The following EYS variants were observed in gnomAD, a reference collection of about 807,000 sequenced individuals.
The protein encoded by EYS is EGF-like photoreceptor maintenance factor.
Under a neutral mutation model 282.1 loss-of-function variants are expected in EYS, and 250 were observed. The ratio of observed to expected loss-of-function variants is 0.89; its 90% CI spans 0.80 to 0.98. The LOEUF (loss-of-function observed/expected upper bound fraction) is 0.98. Among genes scored for constraint, EYS ranks in the 50% least tolerant of loss-of-function variants. EYS has a pLI of 0.00. For missense variants in EYS, 4,016 were observed against 3,709.0 expected (o/e 1.08, Z -2.15); for synonymous variants, 1,355 against 1,282.9 (o/e 1.06, Z -1.20).
intron 33 of EYS, among the ~76,000 whole-genome samples, chr6:64,023,102 A>G (rs1443392690): frequency 6.6e-6 from 1 of 152,250 alleles, no homozygotes; most frequent in Non-Finnish European, 1.5e-5. Flanking sequence ...AAGTGGAATC[A>G]TATAATACTT....
At chr6:64,014,613 ACTCTCT>A in intron 33 of EYS, among the ~76,000 whole-genome samples, 1 of 152,198 alleles carries the variant, frequency 6.6e-6, no homozygotes, top group Admixed American at 6.5e-5. Context: ...TTTCTGAAGC[ACTCTCT>A]GAGCCAAAGT....
chr6:64,924,528 G>GT (rs1252648254), intron 15 of EYS, among the ~76,000 whole-genome samples: 3 of 152,106 alleles, frequency 2.0e-5, no homozygotes, highest in Non-Finnish European at 2.9e-5. Context: ...CAGAAAAAGG[G>GT]TTTTTTCTTT....
At chr6:64,720,107 G>A (rs891936138) in intron 22 of EYS, among the ~76,000 whole-genome samples, 2 of 152,122 alleles carry the variant, frequency 1.3e-5, no homozygotes, top group Admixed American at 1.3e-4. Flanking sequence ...GTATCAGAGG[G>A]CATAGGGCTA....
intron 12 of EYS, among the ~76,000 whole-genome samples, chr6:65,192,421 T>C (rs955950501): frequency 1.3e-5 from 2 of 151,438 alleles, no homozygotes; most frequent in African/African-American, 4.8e-5. Context: ...TCAAGAAAAA[T>C]TGTAACTTCA....
chr6:63,761,376 C>A (rs1769637521), intron 41 of EYS, among the ~76,000 whole-genome samples: 1 of 151,994 alleles, frequency 6.6e-6, no homozygotes. Context: ...CATAATCACA[C>A]TCTTAAGACA....
chr6:64,151,363 A>ATATATATATTTATATATATAT (rs1491135650), intron 31 of EYS, among the ~76,000 whole-genome samples: 2 of 62,852 alleles, frequency 3.2e-5, no homozygotes, highest in African/African-American at 1.4e-4. Context: ...ATATATATAT[A>ATATATATATTTATATATATAT]ATTTTTTTTT....
At chr6:64,650,720 G>A (rs1768526614) in intron 22 of EYS, among the ~76,000 whole-genome samples, 1 of 151,890 alleles carries the variant, frequency 6.6e-6, no homozygotes, top group East Asian at 1.9e-4. Flanking sequence ...AAAATTTTAA[G>A]AAATATGTAA....
chr6:65,411,508 G>T (rs1006537167), intron 5 of EYS, among the ~76,000 whole-genome samples: 5 of 151,812 alleles, frequency 3.3e-5, no homozygotes, highest in African/African-American at 7.3e-5. Context: ...ATAATATTTG[G>T]GTATAGTTCT....
chr6:65,653,180 A>G (rs1430735921), intron 1 of EYS, among the ~76,000 whole-genome samples: 2 of 151,886 alleles, frequency 1.3e-5, no homozygotes, highest in Non-Finnish European at 2.9e-5. Flanking sequence ...CTTAATTTTT[A>G]TCTGTGCCTA....
intron 15 of EYS, among the ~76,000 whole-genome samples, chr6:64,933,555 CACTGTGGAAG>C (rs1385637666): frequency 6.6e-6 from 1 of 151,608 alleles, no homozygotes; most frequent in Non-Finnish European, 1.5e-5. Flanking sequence ...TTAGTTGCAC[CACTGTGGAAG>C]ACAGTGTGGC....
At chr6:65,280,316 T>C (rs1768181292) in intron 12 of EYS, among the ~76,000 whole-genome samples, 1 of 152,150 alleles carries the variant, frequency 6.6e-6, no homozygotes, top group Non-Finnish European at 1.5e-5. Context: ...CTGAGTGTTC[T>C]CACTAGGAAA....
At chr6:65,639,540 T>C (rs1385726788) in intron 2 of EYS, among the ~76,000 whole-genome samples, 2 of 152,056 alleles carry the variant, frequency 1.3e-5, no homozygotes, top group Admixed American at 6.5e-5. Context: ...ACCCATAGAA[T>C]TGTGACTACA....
chr6:65,072,599 T>G (rs1241900789), intron 12 of EYS, among the ~76,000 whole-genome samples: 1 of 151,796 alleles, frequency 6.6e-6, no homozygotes, highest in African/African-American at 2.4e-5. Context: ...CAAAGTGAGA[T>G]CCAATCTGCA....
intron 22 of EYS, among the ~76,000 whole-genome samples, chr6:64,748,012 T>C (rs1199198987): frequency 6.6e-6 from 1 of 152,224 alleles, no homozygotes; most frequent in Non-Finnish European, 1.5e-5. Context: ...CTGTCATTTA[T>C]ACCAACCAAG....
intron 12 of EYS, among the ~76,000 whole-genome samples, chr6:65,269,657 A>T (rs1015437920): frequency 6.6e-6 from 1 of 152,154 alleles, no homozygotes. Flanking sequence ...TATTTCTCAC[A>T]GTTCTAGACA....
chr6:64,608,161 C>T (rs662038), intron 24 of EYS, among the ~76,000 whole-genome samples: 5,804 of 152,152 alleles, frequency 0.038, 372 homozygotes, highest in African/African-American at 0.13. Context: ...GTGATTAACA[C>T]CACAATAATT....
chr6:64,085,911 C>T (rs777320952), intron 31 of EYS, among the ~76,000 whole-genome samples: 23 of 152,144 alleles, frequency 1.5e-4, no homozygotes, highest in East Asian at 3.9e-4. Flanking sequence ...AGTTCTTCAT[C>T]GGTGCTTATG....
chr6:64,936,937 CAAT>C (rs1197480608), intron 15 of EYS, among the ~76,000 whole-genome samples: 2 of 151,334 alleles, frequency 1.3e-5, no homozygotes, highest in African/African-American at 4.8e-5. Context: ...CCAAAAGCTA[CAAT>C]AAGAGGGTGT....
At chr6:64,897,423 C>A in intron 18 of EYS, among the ~76,000 whole-genome samples, 1 of 152,144 alleles carries the variant, frequency 6.6e-6, no homozygotes, top group East Asian at 1.9e-4. Context: ...ACAGAAAAGA[C>A]GAACACGTGA....
Sources: gnomAD v4.1 joint callset for allele counts (sites outside exome capture counted in the v4.1 genomes callset) on GRCh38, gnomAD v4.1.1 for gene constraint, MANE v1.5 for transcripts, NCBI Gene and HGNC (gene_info 2026-07-23, HGNC 2026-07-21) for gene names.